Variants in UNC45B observed in about 807,000 individuals in gnomAD.
UNC45B encodes the protein protein unc-45 homolog B.
UNC45B carries 78 observed loss-of-function variants against 98.7 expected under a neutral mutation model. That is an observed-to-expected ratio of 0.79 (90% CI 0.66 to 0.95). The LOEUF (loss-of-function observed/expected upper bound fraction) is 0.95, where lower values mean the gene tolerates loss of function less well. Among genes scored for constraint, UNC45B ranks in the 40% least tolerant of loss-of-function variants. The pLI, the probability that UNC45B is intolerant of heterozygous loss-of-function variation, is 0.00. For missense variants in UNC45B, 1,225 were observed against 1,184.9 expected (o/e 1.03, Z -0.50); for synonymous variants, 462 against 480.4 (o/e 0.96, Z 0.50).
intron 11 of UNC45B, 62 bp from the exon 12 acceptor site, chr17:35,170,052 C>A: frequency 6.2e-7 from 1 of 1,600,952 alleles, no homozygotes; most frequent in South Asian, 1.1e-5. Context: ...ACCCTGAAAT[C>A]GCTTCACCCT....
chr17:35,180,267 A>AGAGG (rs2092264385), intron 17 of UNC45B, among the ~76,000 whole-genome samples: 1 of 151,666 alleles, frequency 6.6e-6, no homozygotes, highest in Non-Finnish European at 1.5e-5. Context: ...AGAGAGAGAG[A>AGAGG]GAGAGAGAGA....
At position 35,170,127 on chromosome 17, in the gene UNC45B, A is replaced by G. The variant is rs1355083823; in HGVS notation, c.1561A>G (p.Met521Val). 2 of 1,610,346 alleles carry G rather than the reference A, an allele frequency of 1.2e-6. No homozygotes were observed. The highest frequency in any genetic ancestry group is 1.7e-6 in the Non-Finnish European group (2 of 1,177,438). Residue 521 changes from methionine to valine, a missense_variant, in exon 12 of 20, where the codon ATG (methionine) becomes GTG (valine). Met to Val is a conservative substitution (Grantham distance 21). Coordinates refer to ENST00000394570, the MANE Select transcript of UNC45B (RefSeq NM_001267052.2). ...CCTCACTTCCAGGTGGCTGTGCAAT[A>G]TGTCCATAGACACTCGGACCCGACG... ...AKQCRKWLCN[M>V]SIDTRTRRWA...
At chr17:35,160,322 C>T (rs2092093930) in intron 8 of UNC45B, among the ~76,000 whole-genome samples, 2 of 152,198 alleles carry the variant, frequency 1.3e-5, no homozygotes, top group South Asian at 4.1e-4. Context: ...TTATCTGTAG[C>T]TATCTGCTTA....
At chr17:35,186,198 C>T in intron 19 of UNC45B, 101 bp from the exon 20 acceptor site, 11 of 1,483,306 alleles carry the variant, frequency 7.4e-6, no homozygotes, top group Non-Finnish European at 1.0e-5. Flanking sequence ...TTAAAGGACC[C>T]ACCTCCTAAC....
intron 11 of UNC45B, 48 bp from the exon 12 acceptor site, chr17:35,170,066 G>T: frequency 6.2e-7 from 1 of 1,601,028 alleles, no homozygotes; most frequent in South Asian, 1.1e-5. Context: ...TCACCCTCTT[G>T]ACCTAGCCCT....
chr17:35,186,296 C>T lies in UNC45B; in HGVS notation c.2530-3C>T, dbSNP rs761296186. On this transcript the variant is annotated splice_region_variant and splice_polypyrimidine_tract_variant and intron_variant, in intron 19 of 19. Transcript: ENST00000394570. Reference sequence around the variant, plus strand: ...CCTTCCTTACCTTTTTCCCTGCCTCCAGACAACCCAGTGGTTGGAGATCCT... The same window carrying T: ...CCTTCCTTACCTTTTTCCCTGCCTCTAGACAACCCAGTGGTTGGAGATCCT... 15 of 1,613,432 alleles carry T rather than the reference C, an allele frequency of 9.3e-6. No individual in the cohort carries two copies. The highest frequency in any genetic ancestry group is 5.0e-5 in the Admixed American group (3 of 59,980).
chr17:35,148,334 C>T lies in UNC45B; in HGVS notation c.71C>T (p.Ala24Val), dbSNP rs1327124470. ...NRHFQLQDYK[A>V]ATNSYSQALK... ...CATTTCCAGCTCCAGGACTACAAGG[C>T]CGCCACAAATAGCTACAGCCAGGCC... Residue 24 changes from alanine to valine, a missense_variant, in exon 2 of 20, where the codon GCC becomes GTC. Physicochemically the swap from Ala to Val is moderately conservative, Grantham distance 64 (BLOSUM62 0). Transcript: ENST00000394570. 5 of 1,614,066 alleles carry T rather than the reference C, an allele frequency of 3.1e-6. No individual in the cohort carries two copies. The African/African-American group carries it at 6.7e-5, about 22-fold the overall frequency.
rs779897509 is a variant in UNC45B at position 35,177,609 on chromosome 17, C to T, written c.2254C>T (p.Arg752Trp). ...CCTGTCTGGGCGGAGTGACAAACTC[C>T]GGTGAGTGTGGTGAGTGTGGCAGGG... ...TNLSGRSDKL[R>W]QKIFKERALP... The change falls in exon 17 of 20, where the codon CGG (arginine) becomes TGG (tryptophan). Residue 752 changes from arginine (R) to tryptophan (W), a missense_variant and splice_region_variant. Transcript: ENST00000394570. The T allele has an allele frequency of 6.2e-5, 96 of 1,552,020 alleles. No individual in the cohort carries two copies. The highest frequency in any genetic ancestry group is 8.1e-5 in the Non-Finnish European group (93 of 1,146,784).
chr17:35,175,247 C>T (rs147898395), intron 14 of UNC45B, among the ~76,000 whole-genome samples: 2,766 of 152,282 alleles, frequency 0.018, 62 homozygotes, highest in Admixed American at 0.057. Flanking sequence ...GCCACTGTTC[C>T]TTCTTGTTAC....
rs750745183 is a variant in UNC45B, at chr17:35,186,537, G to T, written c.2768G>T (p.Gly923Val). Residue 923 changes from glycine to valine, a missense_variant, in exon 20 of 20, where the codon GGT becomes GTT. Gly to Val is a moderately radical substitution (Grantham distance 109). Transcript: ENST00000394570. ...TGTCTCATCAAGTGCATGGATTATG[G>T]TTTCATTAAACCAGTGTCTTAGACA... ...RECLIKCMDY[G>V]FIKPVS The T allele has an allele frequency of 1.9e-6, 3 of 1,614,108 alleles. No homozygotes were observed. Among genetic ancestry groups the T allele is most frequent in the Non-Finnish European group, 2.5e-6 (3 of 1,180,054 alleles).
At chr17:35,163,089 T>C (rs2092112831) in intron 8 of UNC45B, among the ~76,000 whole-genome samples, 1 of 152,212 alleles carries the variant, frequency 6.6e-6, no homozygotes. Flanking sequence ...CTAAGTCTTG[T>C]TTTTCTCCTC....
intron 9 of UNC45B, among the ~76,000 whole-genome samples, chr17:35,165,832 G>A (rs1276413143): frequency 6.6e-6 from 1 of 151,962 alleles, no homozygotes; most frequent in Admixed American, 6.6e-5. Context: ...TCAGCTACTA[G>A]GGAGGCTGAG....
At chr17:35,151,200 C>T (rs1466867738) in intron 4 of UNC45B, 3 of 304,070 alleles carry the variant, frequency 9.9e-6, no homozygotes, top group Admixed American at 9.8e-5. Context: ...GTTTCTTTTC[C>T]TCCGCTGACA....
intron 14 of UNC45B, among the ~76,000 whole-genome samples, chr17:35,175,085 A>AAGAG (rs34062315): frequency 1.0e-5 from 1 of 97,338 alleles, no homozygotes; most frequent in African/African-American, 5.2e-5. Context: ...GAAAGAAAGA[A>AAGAG]AGAGAAAGAA....
chr17:35,181,790 C>CA (rs34090979), intron 18 of UNC45B, among the ~76,000 whole-genome samples: 19,973 of 115,550 alleles, frequency 0.17, 1,802 homozygotes, highest in South Asian at 0.21. Flanking sequence ...GACTGCATCT[C>CA]AAAAAAAAAA....
intron 19 of UNC45B, 124 bp downstream of exon 19, chr17:35,183,706 C>A: frequency 9.3e-7 from 1 of 1,073,622 alleles, no homozygotes; most frequent in Non-Finnish European, 1.2e-6. Flanking sequence ...AGCCCCCAGG[C>A]TTCTGTTCCT....
At chr17:35,181,987 C>G (rs1239664812) in intron 18 of UNC45B, among the ~76,000 whole-genome samples, 1 of 151,858 alleles carries the variant, frequency 6.6e-6, no homozygotes, top group Non-Finnish European at 1.5e-5. Context: ...TATGGGAGCA[C>G]CGGCTGCTGC....
At position 35,161,708 on chromosome 17, in the gene UNC45B, T is replaced by G. The variant is rs80327424; in HGVS notation, c.979+2163T>G. Among the ~76,000 whole-genome samples the G allele has an allele frequency of 2.2e-3, 337 of 152,308 alleles. 8 individuals carry two copies. The East Asian group carries it at 0.038, about 17-fold the overall frequency. Reference sequence around the variant, plus strand: ...AGTATCTTTTTGTATGCTCATGTAATAACTGGTGGCTGGGATCCCCTAGAT... The same window carrying G: ...AGTATCTTTTTGTATGCTCATGTAAGAACTGGTGGCTGGGATCCCCTAGAT... On this transcript the variant is annotated intron_variant, in intron 8 of 19. Transcript: ENST00000394570.
rs374608869 is a variant in UNC45B at position 35,164,131 on chromosome 17, C to T, written c.1116C>T (p.Arg372=). The change falls in exon 9 of 20, where the codon CGC becomes CGT. Residue 372 remains arginine (R), a synonymous_variant. Transcript: ENST00000394570. ...LYDDLRCDPE[R]DHFRKICEEY... is the part of the protein sequence containing the mutation. ...ATGACCTGCGCTGTGACCCGGAGCG[C>T]GATCACTTCCGCAAGATCTGTGAGG... The T allele has an allele frequency of 5.1e-5, 83 of 1,613,264 alleles. No individual in the cohort carries two copies. Among genetic ancestry groups the T allele is most frequent in the Middle Eastern group, 1.6e-4 (1 of 6,076 alleles).
Sources: allele counts gnomAD v4.1 joint callset (sites outside exome capture counted in the v4.1 genomes callset), GRCh38; gene constraint gnomAD v4.1.1; transcripts MANE v1.5; gene names NCBI Gene and HGNC (gene_info 2026-07-23, HGNC 2026-07-21).